The following PDE1A variants were observed in gnomAD, a reference collection of about 807,000 sequenced individuals.
PDE1A encodes dual specificity calcium/calmodulin-dependent 3',5'-cyclic nucleotide phosphodiesterase 1A.
A neutral mutation model predicts 61.7 loss-of-function variants in PDE1A; 35 were observed. That is an observed-to-expected ratio of 0.57 (90% confidence interval 0.43 to 0.75). The LOEUF (loss-of-function observed/expected upper bound fraction) is 0.75, where lower values mean the gene tolerates loss of function less well. PDE1A is among the 30% of genes least tolerant of loss of function. The probability of loss-of-function intolerance (pLI) is 0.00; values close to 1 mark genes in which losing one functional copy is unlikely to be tolerated. For synonymous variants in PDE1A, 232 were observed against 213.2 expected (o/e 1.09, Z -0.77); for missense variants, 597 against 630.6 (o/e 0.95, Z 0.57).
chr2:182,701,073 T>C, the PDE1A span, among the ~76,000 whole-genome samples: 28 of 152,168 alleles, frequency 1.8e-4, no homozygotes, highest in Admixed American at 7.2e-4. Flanking sequence ...CTTGCTCTGT[T>C]GCCCAGGCTG....
At chr2:182,675,971 T>C in the PDE1A span, among the ~76,000 whole-genome samples, 5 of 152,340 alleles carry the variant, frequency 3.3e-5, no homozygotes, top group African/African-American at 1.2e-4. Flanking sequence ...ATCTCATTTG[T>C]CAATTTTTGC....
chr2:182,562,372 T>C, the PDE1A span, among the ~76,000 whole-genome samples: 1 of 147,468 alleles, frequency 6.8e-6, no homozygotes, highest in Non-Finnish European at 1.5e-5. Context: ...GATTTGCGTA[T>C]ATTGAACCTG....
the PDE1A span, among the ~76,000 whole-genome samples, chr2:182,646,391 CAA>C: frequency 0.12 from 12,590 of 107,078 alleles, 566 homozygotes; most frequent in Middle Eastern, 0.2. Flanking sequence ...GGTGAAGGTT[CAA>C]AAAAAAAAAA....
chr2:182,716,046 G>A, the PDE1A span: 1 of 152,252 alleles, frequency 6.6e-6, no homozygotes, highest in African/African-American at 2.4e-5. Context: ...CGGCCGCATT[G>A]GTGAGGGGGC....
chr2:182,143,315 A>C (rs1690317691), downstream of PDE1A, among the ~76,000 whole-genome samples: 1 of 152,106 alleles, frequency 6.6e-6, no homozygotes, highest in South Asian at 2.1e-4. Context: ...CAATTTCAAA[A>C]AAAAACATGT....
At chr2:182,601,269 C>T in the PDE1A span, among the ~76,000 whole-genome samples, 3 of 152,240 alleles carry the variant, frequency 2.0e-5, no homozygotes, top group Non-Finnish European at 4.4e-5. Context: ...CAGGCAGCTC[C>T]AGGTGCTGAC....
chr2:182,426,786 T>C (rs2125612935), exon 1 of PDE1A: 1 of 1,458,846 alleles, frequency 6.9e-7, no homozygotes, highest in Admixed American at 2.5e-5. Flanking sequence ...AACTTCCCTG[T>C]TCTCTGCCAG....
chr2:182,537,060 C>A, the PDE1A span, among the ~76,000 whole-genome samples: 255 of 152,308 alleles, frequency 1.7e-3, 1 homozygote, highest in Admixed American at 4.3e-3. Flanking sequence ...GAGCCAGAAC[C>A]ACTTAGTTGA....
At chr2:182,486,498 T>C (rs1594304) in intron 2 of PDE1A, among the ~76,000 whole-genome samples, 69,441 of 151,788 alleles carry the variant, frequency 0.46, 16,617 homozygotes, top group East Asian at 0.75. Context: ...CAGAACAATT[T>C]TTTAAAAGAA....
intron 2 of PDE1A, among the ~76,000 whole-genome samples, chr2:182,437,106 T>C (rs1684479089): frequency 6.6e-6 from 1 of 151,944 alleles, no homozygotes; most frequent in Non-Finnish European, 1.5e-5. Context: ...GAAGACTGAA[T>C]ATTTGGATGC....
intron 2 of PDE1A, among the ~76,000 whole-genome samples, chr2:182,451,934 C>T (rs956047946): frequency 6.6e-6 from 1 of 152,086 alleles, no homozygotes; most frequent in Non-Finnish European, 1.5e-5. Context: ...AGAACTTCTG[C>T]TGGGCACTGG....
rs552381642 is a variant in PDE1A at position 182,511,293 on chromosome 2, C to A, written c.101+10983G>T. ...CGCTCCAAGCAGATCTTCAGAAGGG[C>A]ATTGAGAGTGGACAGAGGAAACAGA... On this transcript the variant is annotated intron_variant, in intron 2 of 14. Transcript: ENST00000410103. Among the ~76,000 whole-genome samples the A allele has an allele frequency of 4.7e-4, 71 of 151,956 alleles. 1 individual carries two copies. In the South Asian group the frequency reaches 0.015, roughly 32 times the overall value.
the PDE1A span, among the ~76,000 whole-genome samples, chr2:182,626,802 CATATATATAT>C: frequency 6.1e-3 from 33 of 5,408 alleles, 2 homozygotes; most frequent in South Asian, 0.036. Context: ...CATATATATA[CATATATATAT>C]ACATATATAT....
At chr2:182,186,187 C>T (rs1685189375) in intron 12 of PDE1A, 108 bp from the exon 13 acceptor site, 3 of 1,182,622 alleles carry the variant, frequency 2.5e-6, no homozygotes, top group Non-Finnish European at 2.4e-6. Flanking sequence ...ATAGTAGATG[C>T]TCAGTCCCAG....
intron 2 of PDE1A, among the ~76,000 whole-genome samples, chr2:182,490,402 C>T (rs910585454): frequency 7.2e-5 from 11 of 152,186 alleles, no homozygotes; most frequent in East Asian, 3.9e-4. Context: ...GACGGAGTCT[C>T]GCTCTTTCGC....
At chr2:182,240,604 A>T (rs968118070) in intron 2 of PDE1A, among the ~76,000 whole-genome samples, 2 of 152,170 alleles carry the variant, frequency 1.3e-5, no homozygotes, top group Admixed American at 6.5e-5. Flanking sequence ...AATAATGAAT[A>T]AAACTAAGGA....
At chr2:182,386,122 C>T (rs940348516) in intron 1 of PDE1A, among the ~76,000 whole-genome samples, 2 of 152,206 alleles carry the variant, frequency 1.3e-5, no homozygotes, top group South Asian at 2.1e-4. Context: ...GCCGGGATTG[C>T]GGACGGAGTC....
intron 1 of PDE1A, among the ~76,000 whole-genome samples, chr2:182,319,075 T>C (rs952219611): frequency 2.0e-5 from 3 of 152,164 alleles, no homozygotes; most frequent in South Asian, 4.1e-4. Flanking sequence ...TCGTCATGTA[T>C]TGATTTTCCC....
At chr2:182,385,643 GAAAGAAAGAAAGA>G (rs1374572389) in intron 1 of PDE1A, among the ~76,000 whole-genome samples, 1 of 126,080 alleles carries the variant, frequency 7.9e-6, no homozygotes, top group Non-Finnish European at 1.8e-5. Flanking sequence ...GAAAGAAGAA[GAAAGAAAGAAAGA>G]AAGAAGAAAA....
Sources: gnomAD v4.1 joint callset for allele counts (sites outside exome capture counted in the v4.1 genomes callset) on GRCh38, gnomAD v4.1.1 for gene constraint, MANE v1.5 for transcripts, NCBI Gene and HGNC (gene_info 2026-07-23, HGNC 2026-07-21) for gene names.